Variants in VPS8 observed in about 807,000 individuals in gnomAD.
VPS8 encodes the protein vacuolar protein sorting-associated protein 8 homolog.
In VPS8, 129 loss-of-function variants were observed where a neutral mutation model predicts 216.4. That is an observed-to-expected ratio of 0.60 (90% CI 0.52 to 0.69). The LOEUF (loss-of-function observed/expected upper bound fraction) is 0.69, where lower values mean the gene tolerates loss of function less well. Among genes scored for constraint, VPS8 ranks in the 30% least tolerant of loss-of-function variants. VPS8 has a pLI of 0.00. For missense variants in VPS8, 1,531 were observed against 1,683.5 expected, an observed-to-expected ratio of 0.91 and a Z score of 1.59; for synonymous variants, 571 against 565.4, an observed-to-expected ratio of 1.01 and a Z score of -0.14.
At chr3:184,835,748 C>T (rs1380567447) in intron 5 of VPS8, among the ~76,000 whole-genome samples, 24 of 132,080 alleles carry the variant, frequency 1.8e-4, no homozygotes, top group Non-Finnish European at 2.9e-4. Context: ...CTCACTCTGT[C>T]GCCCAAGCTG....
chr3:185,052,398 C>T lies in VPS8; in HGVS notation c.*373C>T, dbSNP rs772329757. On this transcript the variant is annotated 3_prime_UTR_variant, in exon 48 of 48. Transcript: ENST00000625842. The stretch of plus-strand genomic sequence containing the variant: ...TGGCATTCCAGAGTCTGCCATACTC[C>T]GTCTCCTCCAGCTGCTGGATAATAC... 4 of 182,370 alleles carry T rather than the reference C, an allele frequency of 2.2e-5. No individual in the cohort carries two copies. Among genetic ancestry groups the T allele is most frequent in the Non-Finnish European group, 3.4e-5 (3 of 87,736 alleles). The allele number at this position is 182,370 out of a possible 1,614,324, so 11.3% of individuals were successfully genotyped here. A position where few individuals can be genotyped will look rare whatever the true frequency, so the allele number is the denominator to read the frequency against.
intron 40 of VPS8, among the ~76,000 whole-genome samples, chr3:184,978,696 CCT>C (rs1414366614): frequency 6.6e-6 from 1 of 152,124 alleles, no homozygotes; most frequent in Non-Finnish European, 1.5e-5. Context: ...TCGCACCTGG[CCT>C]CTCTTTTTCT....
intron 21 of VPS8, among the ~76,000 whole-genome samples, chr3:184,881,188 G>A (rs9837184): frequency 0.018 from 2,729 of 152,160 alleles, 86 homozygotes; most frequent in African/African-American, 0.063. Flanking sequence ...GTATGATTGT[G>A]CTTTTGAAAT....
At chr3:184,915,545 G>A in intron 28 of VPS8, 71 bp downstream of exon 28, 4 of 1,505,202 alleles carry the variant, frequency 2.7e-6, no homozygotes, top group Admixed American at 1.9e-5. Flanking sequence ...GGGTGTGGTG[G>A]CTCACCCCTG....
At chr3:185,048,367 GT>G in intron 46 of VPS8, 111 bp from the exon 47 acceptor site, 1 of 1,057,004 alleles carries the variant, frequency 9.5e-7, no homozygotes, top group Non-Finnish European at 1.4e-6. Flanking sequence ...AGCATGGATT[GT>G]TTTCAGGAGA....
At chr3:184,903,544 T>C (rs1181436994) in intron 25 of VPS8, among the ~76,000 whole-genome samples, 1 of 152,180 alleles carries the variant, frequency 6.6e-6, no homozygotes, top group African/African-American at 2.4e-5. Flanking sequence ...CTCAAACTTA[T>C]GGGATCAAGT....
intron 29 of VPS8, among the ~76,000 whole-genome samples, chr3:184,924,263 T>G (rs992601692): frequency 6.6e-6 from 1 of 152,268 alleles, no homozygotes; most frequent in African/African-American, 2.4e-5. Context: ...AAAGCAGCTC[T>G]CTTCTTCCCT....
chr3:184,947,002 T>G (rs78027834), intron 36 of VPS8, among the ~76,000 whole-genome samples: 10,811 of 152,176 alleles, frequency 0.071, 473 homozygotes, highest in Non-Finnish European at 0.093. Context: ...TTAGAGGCTT[T>G]GCTTAAACAG....
At chr3:184,966,597 T>C (rs1747446759) in intron 38 of VPS8, 74 bp from the exon 39 acceptor site, 2 of 1,031,676 alleles carry the variant, frequency 1.9e-6, no homozygotes, top group African/African-American at 1.6e-5. Context: ...CTTTAAAATA[T>C]GTTAATTCAA....
At chr3:184,924,314 C>T (rs1306832672) in intron 29 of VPS8, among the ~76,000 whole-genome samples, 1 of 152,142 alleles carries the variant, frequency 6.6e-6, no homozygotes, top group Non-Finnish European at 1.5e-5. Context: ...TTTAATTGTA[C>T]AAGACCAGCC....
chr3:185,033,015 G>A (rs2108462340), intron 46 of VPS8, among the ~76,000 whole-genome samples: 1 of 152,206 alleles, frequency 6.6e-6, no homozygotes, highest in African/African-American at 2.4e-5. Flanking sequence ...GAAAAGTGGA[G>A]CAGTAAGCAC....
intron 2 of VPS8, chr3:184,825,021 T>G: frequency 2.2e-6 from 1 of 456,554 alleles, no homozygotes; most frequent in South Asian, 2.3e-5. Context: ...TCCTCCTACC[T>G]CAGCCTCCCA....
intron 46 of VPS8, among the ~76,000 whole-genome samples, chr3:185,027,130 G>A (rs193093085): frequency 5.3e-5 from 8 of 151,920 alleles, no homozygotes; most frequent in African/African-American, 1.2e-4. Context: ...GATAGTTACC[G>A]AACACCTTGA....
At chr3:184,979,737 T>C (rs1749878311) in intron 40 of VPS8, among the ~76,000 whole-genome samples, 1 of 152,144 alleles carries the variant, frequency 6.6e-6, no homozygotes, top group East Asian at 1.9e-4. Flanking sequence ...TACTATTGAG[T>C]CTTGCTTCTT....
In VPS8 at chr3:184,853,865, T is replaced by C; in HGVS notation, c.830T>C (p.Met277Thr). Residue 277 changes from methionine to threonine, a missense_variant, in exon 12 of 48, where the codon ATG (methionine) becomes ACG (threonine). This residue lies in a region of VPS8 where 1,318 missense variants were observed against 1,468.4 expected (regional missense o/e 0.90). Transcript: ENST00000625842. ...TCAAATTGCATTTTCAGGAGAGTGA[T>C]GGGAGTGAGAACCTGTGAATCTAGA... is the stretch of plus-strand genomic sequence containing the variant. The part of the protein sequence containing the change: ...SVFELTFKRV[M>T]GVRTCESRCL... 6.3e-7 allele frequency: 1 copy of C among 1,574,882 alleles called. No individual in the cohort carries two copies. The highest frequency in any genetic ancestry group is 8.6e-7 in the Non-Finnish European group (1 of 1,158,968).
intron 28 of VPS8, among the ~76,000 whole-genome samples, chr3:184,915,843 T>C (rs1439440435): frequency 1.3e-5 from 2 of 152,194 alleles, no homozygotes; most frequent in Non-Finnish European, 2.9e-5. Flanking sequence ...TATTTTTTAA[T>C]AGAAAAATCC....
At chr3:184,904,568 A>G (rs1328040603) in intron 25 of VPS8, among the ~76,000 whole-genome samples, 6 of 152,160 alleles carry the variant, frequency 3.9e-5, no homozygotes, top group African/African-American at 1.4e-4. Context: ...TCTTTTAAAT[A>G]TGTTGCTGGA....
chr3:184,997,666 G>A (rs1001686756), intron 44 of VPS8, among the ~76,000 whole-genome samples: 1 of 152,178 alleles, frequency 6.6e-6, no homozygotes, highest in South Asian at 2.1e-4. Context: ...CAAGTGAAAT[G>A]CCAGATACTG....
At chr3:184,853,201 T>TA (rs563208223) in intron 11 of VPS8, among the ~76,000 whole-genome samples, 54 of 152,308 alleles carry the variant, frequency 3.5e-4, no homozygotes, top group Non-Finnish European at 5.4e-4. Flanking sequence ...ATCCCAGAGT[T>TA]ATAGCTGTGA....
Sources: gnomAD v4.1 joint callset for allele counts (sites outside exome capture counted in the v4.1 genomes callset) on GRCh38, gnomAD v4.1.1 for gene constraint, gnomAD v4.1.1 regional missense constraint, MANE v1.5 for transcripts, NCBI Gene and HGNC (gene_info 2026-07-23, HGNC 2026-07-21) for gene names.